MGMT: variants seen among roughly 807,000 people sequenced by gnomAD.
MGMT encodes the protein O-6-methylguanine-DNA methyltransferase, also known as methylated-DNA--protein-cysteine methyltransferase.
In MGMT, 14 loss-of-function variants were observed where a neutral mutation model predicts 15.9. The ratio of observed to expected loss-of-function variants is 0.88; its 90% CI spans 0.58 to 1.37. The LOEUF (loss-of-function observed/expected upper bound fraction) is 1.37, where lower values mean the gene tolerates loss of function less well. Ranked by LOEUF, MGMT falls within the 40% of genes most tolerant of loss-of-function variation. The pLI is 0.00. For synonymous variants in MGMT, 130 were observed against 118.2 expected (o/e 1.10, Z -0.65); for missense variants, 282 against 268.1 (o/e 1.05, Z -0.36).
intron 3 of MGMT, among the ~76,000 whole-genome samples, chr10:129,743,783 G>A (rs780538026): frequency 3.9e-5 from 6 of 152,204 alleles, no homozygotes; most frequent in African/African-American, 7.2e-5. Flanking sequence ...TGTCATATGC[G>A]TATATATAAT....
At chr10:129,486,266 C>T (rs1618593) in intron 1 of MGMT, among the ~76,000 whole-genome samples, 111,765 of 149,712 alleles carry the variant, frequency 0.75, 41,848 homozygotes, top group Middle Eastern at 0.8. Flanking sequence ...TGGCTCGCTG[C>T]GACCTCTGTC....
chr10:129,587,802 C>G (rs959522244), intron 2 of MGMT, among the ~76,000 whole-genome samples: 2 of 152,128 alleles, frequency 1.3e-5, no homozygotes, highest in Admixed American at 6.5e-5. Flanking sequence ...ATATCCTTGT[C>G]TGTTAATTCT....
chr10:129,548,634 G>A (rs1846122101), intron 2 of MGMT, among the ~76,000 whole-genome samples: 1 of 152,226 alleles, frequency 6.6e-6, no homozygotes, highest in Non-Finnish European at 1.5e-5. Flanking sequence ...GGTGCTGAAA[G>A]CCCCCTTGTT....
At chr10:129,582,998 T>A (rs1483917202) in intron 2 of MGMT, among the ~76,000 whole-genome samples, 1 of 152,208 alleles carries the variant, frequency 6.6e-6, no homozygotes, top group African/African-American at 2.4e-5. Flanking sequence ...TATTCTATCT[T>A]CCCTAAAAGA....
chr10:129,661,677 T>C (rs1343415992), intron 2 of MGMT, among the ~76,000 whole-genome samples: 1 of 152,350 alleles, frequency 6.6e-6, no homozygotes, highest in Admixed American at 6.5e-5. Context: ...TAGTGGTGTC[T>C]TTTAGTCACG....
chr10:129,734,079 T>C (rs74440245), intron 3 of MGMT, among the ~76,000 whole-genome samples: 76,220 of 145,510 alleles, frequency 0.52, 19,285 homozygotes, highest in Middle Eastern at 0.71. Flanking sequence ...TAAAGTAGTT[T>C]TTTCCAATTC....
chr10:129,477,769 G>A (rs542258170), intron 1 of MGMT, among the ~76,000 whole-genome samples: 2 of 152,232 alleles, frequency 1.3e-5, no homozygotes, highest in South Asian at 2.1e-4. Context: ...ATTTTGTTAC[G>A]GCAGCCCAGG....
intron 1 of MGMT, among the ~76,000 whole-genome samples, chr10:129,492,937 G>T (rs751027347): frequency 2.0e-5 from 3 of 152,166 alleles, no homozygotes; most frequent in Non-Finnish European, 4.4e-5. Context: ...GCTTTCTCCT[G>T]TCATCTATCT....
At chr10:129,535,188 G>C (rs143657043) in intron 1 of MGMT, among the ~76,000 whole-genome samples, 1 of 152,096 alleles carries the variant, frequency 6.6e-6, no homozygotes, top group Non-Finnish European at 1.5e-5. Context: ...GATGGGAGCC[G>C]TGAGGATGGC....
At position 129,723,069 on chromosome 10, in the gene MGMT, A is replaced by AT. The variant is rs1158767681; in HGVS notation, c.274+15035dup. The stretch of plus-strand genomic sequence containing the variant: ...AATGGTGCTGAGCAACTGGATATCC[A>AT]TTTTTTTTTCCATTCCATTTTCAGA... On this transcript the variant is annotated intron_variant, in intron 3 of 4. Coordinates refer to ENST00000651593, the MANE Select transcript of MGMT (RefSeq NM_002412.5). 4.6e-4 allele frequency among the ~76,000 whole-genome samples: 67 copies of AT among 144,670 alleles called. No individual in the cohort carries two copies. In the South Asian group the frequency reaches 5.7e-3, roughly 12 times the overall value. The allele number at this position is 144,670 out of a possible 152,430, so 94.9% of individuals were successfully genotyped here.
At position 129,685,521 on chromosome 10, in the gene MGMT, C is replaced by T. The variant is rs544665238; in HGVS notation, c.126-22374C>T. Among the ~76,000 whole-genome samples, 5 of 152,332 alleles carry T rather than the reference C, an allele frequency of 3.3e-5. No homozygotes were observed. In the South Asian group the frequency reaches 1.0e-3, roughly 32 times the overall value. On this transcript the variant is annotated intron_variant, in intron 2 of 4. Coordinates refer to ENST00000651593, the MANE Select transcript of MGMT (RefSeq NM_002412.5). ...GTGGAGGTGAGTCCTAGACCTTCTTCTGTGGGCTCCTCTCCCCGGGGCCCT... is the reference window on the plus strand; with the variant it reads ...GTGGAGGTGAGTCCTAGACCTTCTTTTGTGGGCTCCTCTCCCCGGGGCCCT...
At chr10:129,523,547 G>T (rs963203098) in intron 1 of MGMT, among the ~76,000 whole-genome samples, 5 of 152,282 alleles carry the variant, frequency 3.3e-5, no homozygotes, top group Admixed American at 1.3e-4. Flanking sequence ...CCATGCTGCT[G>T]GGAGGGCCGG....
chr10:129,573,991 G>C (rs1846449407), intron 2 of MGMT, among the ~76,000 whole-genome samples: 1 of 152,174 alleles, frequency 6.6e-6, no homozygotes, highest in African/African-American at 2.4e-5. Context: ...CATATACTTA[G>C]TTTTACTGTG....
At chr10:129,646,740 A>ATTTTT (rs1278309872) in intron 2 of MGMT, among the ~76,000 whole-genome samples, 3 of 87,932 alleles carry the variant, frequency 3.4e-5, no homozygotes, top group Non-Finnish European at 7.6e-5. Flanking sequence ...ATATATATAT[A>ATTTTT]TATATATATA....
At chr10:129,647,500 A>G (rs1416937291) in intron 2 of MGMT, among the ~76,000 whole-genome samples, 1 of 152,234 alleles carries the variant, frequency 6.6e-6, no homozygotes, top group East Asian at 1.9e-4. Context: ...TGTGAAAAGT[A>G]AAATTCCAAA....
chr10:129,625,152 A>C (rs1847132184), intron 2 of MGMT, among the ~76,000 whole-genome samples: 1 of 152,376 alleles, frequency 6.6e-6, no homozygotes, highest in Non-Finnish European at 1.5e-5. Context: ...TTGACAGTTT[A>C]GATACAATGA....
Position 129,614,337 on chromosome 10 carries a change from C to T in MGMT, c.125+77960C>T, listed in dbSNP as rs77589219. Among the ~76,000 whole-genome samples the T allele has an allele frequency of 3.4e-3, 519 of 152,306 alleles. 3 individuals carry two copies. The highest frequency in any genetic ancestry group is 0.012 in the African/African-American group (490 of 41,546). On this transcript the variant is annotated intron_variant, in intron 2 of 4. Transcript: ENST00000651593. Reference sequence around the variant, plus strand: ...ACCCGTTTCCCCCACACCTGATCGTCACAAGCCGTCTAAGACACGTGGTCT... The same window carrying T: ...ACCCGTTTCCCCCACACCTGATCGTTACAAGCCGTCTAAGACACGTGGTCT...
At chr10:129,665,275 C>T (rs1229624436) in intron 2 of MGMT, among the ~76,000 whole-genome samples, 1 of 143,500 alleles carries the variant, frequency 7.0e-6, no homozygotes, top group Non-Finnish European at 1.5e-5. Flanking sequence ...CACCCATCCT[C>T]TCCCCTCTCC....
chr10:129,652,582 A>G (rs1466411909), intron 2 of MGMT, among the ~76,000 whole-genome samples: 1 of 152,214 alleles, frequency 6.6e-6, no homozygotes, highest in Non-Finnish European at 1.5e-5. Flanking sequence ...AAGCATCGGC[A>G]CTCAGAGTCC....
Sources: allele counts gnomAD v4.1 joint callset (sites outside exome capture counted in the v4.1 genomes callset), GRCh38; gene constraint gnomAD v4.1.1; transcripts MANE v1.5; gene names NCBI Gene and HGNC (gene_info 2026-07-23, HGNC 2026-07-21).